Variants in PIGL observed in about 807,000 individuals in gnomAD.
The protein encoded by PIGL is N-acetylglucosaminyl-phosphatidylinositol de-N-acetylase.
A neutral mutation model predicts 31.1 loss-of-function variants in PIGL; 22 were observed. The ratio of observed to expected loss-of-function variants is 0.71; its 90% CI spans 0.51 to 1.01. PIGL has a LOEUF of 1.01. Among genes scored for constraint, PIGL ranks in the 50% least tolerant of loss-of-function variants. PIGL has a pLI of 0.00. For synonymous variants in PIGL, 131 were observed against 117.4 expected (o/e 1.12, Z -0.75); for missense variants, 302 against 315.9 (o/e 0.96, Z 0.33).
chr17:16,223,908 T>C (rs2092640320), intron 1 of PIGL, among the ~76,000 whole-genome samples: 2 of 151,998 alleles, frequency 1.3e-5, no homozygotes, highest in Admixed American at 1.3e-4. Context: ...CCTGTCTTAA[T>C]TACTGTAGCT....
At chr17:16,264,678 G>C (rs111564168) in intron 2 of PIGL, among the ~76,000 whole-genome samples, 7,207 of 151,146 alleles carry the variant, frequency 0.048, 607 homozygotes, top group African/African-American at 0.17. Context: ...TCTTGCCCAG[G>C]CTGGAGTGCA....
chr17:16,308,280 C>T (rs1422208385), intron 3 of PIGL, among the ~76,000 whole-genome samples: 3 of 151,750 alleles, frequency 2.0e-5, no homozygotes, highest in East Asian at 1.9e-4. Context: ...TGCGGTGAGC[C>T]GAGATTGTGC....
At chr17:16,232,261 A>G (rs1301503096) in intron 1 of PIGL, among the ~76,000 whole-genome samples, 2 of 152,106 alleles carry the variant, frequency 1.3e-5, no homozygotes, top group East Asian at 3.8e-4. Flanking sequence ...CTGGGCAACA[A>G]GAGCAAAACT....
chr17:16,300,625 C>T (rs1473927401), intron 3 of PIGL, among the ~76,000 whole-genome samples: 2 of 150,642 alleles, frequency 1.3e-5, no homozygotes, highest in Admixed American at 6.7e-5. Flanking sequence ...GGTTGCAATG[C>T]GCAAAGATTG....
chr17:16,315,393 C>T (rs893145737), intron 4 of PIGL, among the ~76,000 whole-genome samples: 3 of 152,174 alleles, frequency 2.0e-5, no homozygotes, highest in African/African-American at 7.2e-5. Flanking sequence ...GCTGCTTTGA[C>T]TTATATGGCA....
chr17:16,285,316 G>A (rs2092932802), intron 2 of PIGL, among the ~76,000 whole-genome samples: 1 of 152,236 alleles, frequency 6.6e-6, no homozygotes, highest in South Asian at 2.1e-4. Context: ...GCCGGGCGCG[G>A]TGGCTCAAGC....
At chr17:16,320,334 AGGAAG>A (rs980455447) in intron 6 of PIGL, among the ~76,000 whole-genome samples, 1 of 132,174 alleles carries the variant, frequency 7.6e-6, no homozygotes, top group Non-Finnish European at 1.6e-5. Context: ...AAGCGAAGGA[AGGAAG>A]GGAAGGGAAG....
chr17:16,293,368 C>T (rs1156853645), intron 2 of PIGL, among the ~76,000 whole-genome samples: 1 of 152,130 alleles, frequency 6.6e-6, no homozygotes, highest in Non-Finnish European at 1.5e-5. Flanking sequence ...ACTAAAAATC[C>T]AAAAACAAAC....
At chr17:16,319,909 G>A (rs2093095638) in intron 6 of PIGL, among the ~76,000 whole-genome samples, 2 of 151,950 alleles carry the variant, frequency 1.3e-5, no homozygotes, top group Non-Finnish European at 2.9e-5. Flanking sequence ...AGGGTGGGCT[G>A]AGGAGAATTA....
chr17:16,285,383 A>AT (rs2092933085), intron 2 of PIGL, among the ~76,000 whole-genome samples: 1 of 151,420 alleles, frequency 6.6e-6, no homozygotes, highest in Admixed American at 6.6e-5. Context: ...TCAGGAGTTC[A>AT]AGACCAGCCT....
At chr17:16,231,884 GT>G (rs1419176428) in intron 1 of PIGL, among the ~76,000 whole-genome samples, 2 of 152,008 alleles carry the variant, frequency 1.3e-5, no homozygotes, top group East Asian at 1.9e-4. Context: ...AAAATGTTGA[GT>G]TTTTTTATTT....
chr17:16,289,775 CTT>C (rs141638480), intron 2 of PIGL, among the ~76,000 whole-genome samples: 4,939 of 149,356 alleles, frequency 0.033, 260 homozygotes, highest in African/African-American at 0.12. Context: ...CAATGCCAGA[CTT>C]TTCTTTTCTT....
intron 2 of PIGL, among the ~76,000 whole-genome samples, chr17:16,237,218 C>T (rs1192458259): frequency 2.7e-5 from 4 of 149,870 alleles, no homozygotes; most frequent in African/African-American, 7.4e-5. Flanking sequence ...AGTGATTCTC[C>T]TGCCTCAGCC....
At chr17:16,248,244 G>A (rs1050337357) in intron 2 of PIGL, among the ~76,000 whole-genome samples, 2 of 151,980 alleles carry the variant, frequency 1.3e-5, no homozygotes, top group African/African-American at 2.4e-5. Flanking sequence ...AAACCTTTAC[G>A]TTCTGGTTCC....
At chr17:16,268,773 GT>G (rs974131798) in intron 2 of PIGL, among the ~76,000 whole-genome samples, 11 of 150,962 alleles carry the variant, frequency 7.3e-5, no homozygotes, top group African/African-American at 2.4e-4. Context: ...CTTGTTATTT[GT>G]TTTTTTAGAT....
At position 16,326,041 on chromosome 17, in the gene PIGL, G is replaced by A; in HGVS notation, c.*143G>A. On this transcript the variant is annotated 3_prime_UTR_variant, in exon 7 of 7. Transcript: ENST00000225609. Reference sequence around the variant, plus strand: ...CCTCTGCAAAAGGGAGCCCATGTAGGCCAGGGGCTGTCCAAACTCCAGCTT... The same window carrying A: ...CCTCTGCAAAAGGGAGCCCATGTAGACCAGGGGCTGTCCAAACTCCAGCTT... 1.6e-6 allele frequency: 1 copy of A among 615,088 alleles called. No homozygotes were observed. The highest frequency in any genetic ancestry group is 2.8e-6 in the Non-Finnish European group (1 of 353,174). 38.1% of individuals were successfully genotyped at this position (615,088 alleles called of 1,614,324 possible). A position where few individuals can be genotyped will look rare whatever the true frequency, so the allele number is the denominator to read the frequency against.
Position 16,325,817 on chromosome 17 carries a change from C to T in PIGL, c.678C>T (p.His226=), listed in dbSNP as rs2093125068. ...TCTTCTAGAAAGCCATGTCCTGCCA[C>T]CGCAGCCAGCTCCTCTGGTTCCGCC... The part of the protein sequence containing the change: ...VAQAKKAMSC[H]RSQLLWFRRL... The change falls in exon 7 of 7, where the codon CAC becomes CAT. Residue 226 remains histidine, a synonymous_variant. Coordinates refer to ENST00000225609, the MANE Select transcript of PIGL (RefSeq NM_004278.4). 1 of 1,613,712 alleles carries T rather than the reference C, an allele frequency of 6.2e-7. No individual in the cohort carries two copies. The highest frequency in any genetic ancestry group is 8.5e-7 in the Non-Finnish European group (1 of 1,179,684).
At chr17:16,285,478 G>C (rs1192716835) in intron 2 of PIGL, among the ~76,000 whole-genome samples, 1 of 152,134 alleles carries the variant, frequency 6.6e-6, no homozygotes, top group East Asian at 1.9e-4. Flanking sequence ...CCAGCTACTG[G>C]GGATGCTGAA....
At chr17:16,325,607 G>C (rs1334239485) in intron 6 of PIGL, among the ~76,000 whole-genome samples, 193 bp from the exon 7 acceptor site, 1 of 152,202 alleles carries the variant, frequency 6.6e-6, no homozygotes, top group South Asian at 2.1e-4. Flanking sequence ...CAGGTAGTAG[G>C]AGATGGGAAA....
Sources: allele counts gnomAD v4.1 joint callset (sites outside exome capture counted in the v4.1 genomes callset), GRCh38; gene constraint gnomAD v4.1.1; transcripts MANE v1.5; gene names NCBI Gene and HGNC (gene_info 2026-07-23, HGNC 2026-07-21).